CAGE1: variants seen among roughly 807,000 people sequenced by gnomAD.
CAGE1 encodes cancer antigen 1.
A neutral mutation model predicts 94.9 loss-of-function variants in CAGE1; 66 were observed. That is an observed-to-expected ratio of 0.70 (90% confidence interval 0.57 to 0.85). CAGE1 has a LOEUF of 0.85. CAGE1 is among the 40% of genes least tolerant of loss of function. The pLI is 0.00. For synonymous variants in CAGE1, 319 were observed against 321.0 expected, an observed-to-expected ratio of 0.99 and a Z score of 0.07; for missense variants, 865 against 950.4, an observed-to-expected ratio of 0.91 and a Z score of 1.18.
rs779045042 is a variant in CAGE1 at position 7,345,189 on chromosome 6, G to A, written c.2369+9852C>T. Among the ~76,000 whole-genome samples, 13 of 120,448 alleles carry A rather than the reference G, an allele frequency of 1.1e-4. No homozygotes were observed. In the South Asian group the frequency reaches 1.9e-3, roughly 18 times the overall value. 79.0% of individuals were successfully genotyped at this position (120,448 alleles called of 152,430 possible). ...AGGAGCTATGACACTCCTTGTGAAG[G>A]TTTGTAGTTTCACTCTTTGAAGTTA... On this transcript the variant is annotated intron_variant, in intron 11 of 13. Coordinates refer to ENST00000502583, the MANE Select transcript of CAGE1 (RefSeq NM_001170692.2).
At chr6:7,338,006 G>A (rs1040500858) in intron 11 of CAGE1, among the ~76,000 whole-genome samples, 6 of 152,066 alleles carry the variant, frequency 3.9e-5, no homozygotes, top group Non-Finnish European at 7.4e-5. Flanking sequence ...ATGATGTTTT[G>A]TAATTTTTAG....
chr6:7,381,072 T>C (rs1760915957), intron 3 of CAGE1, among the ~76,000 whole-genome samples: 1 of 152,232 alleles, frequency 6.6e-6, no homozygotes, highest in Non-Finnish European at 1.5e-5. Flanking sequence ...TATTTAATGG[T>C]CTTACAGGTT....
In CAGE1 at chr6:7,373,968, C is replaced by T. The variant is rs1044562665; in HGVS notation, c.851G>A (p.Cys284Tyr). 6.2e-7 allele frequency: 1 copy of T among 1,613,930 alleles called. No individual in the cohort carries two copies. The change falls in exon 5 of 14, where the codon TGT becomes TAT. Residue 284 changes from cysteine to tyrosine, a missense_variant. Coordinates refer to ENST00000502583, the MANE Select transcript of CAGE1 (RefSeq NM_001170692.2). ...SWRSEACREN[C>Y]EMPDWEQSAE... is the part of the protein sequence containing the mutation. ...ACTTTGCTCCCAGTCAGGCATCTCA[C>T]AGTTCTCCCGACATGCTTCACTCCT... is the stretch of plus-strand genomic sequence containing the variant.
chr6:7,374,180 G>A (rs766439468), intron 4 of CAGE1, 49 bp from the exon 5 acceptor site: 1 of 1,457,632 alleles, frequency 6.9e-7, no homozygotes. Flanking sequence ...GAAAGATAAT[G>A]AGCTTTCAAG....
In CAGE1 at chr6:7,385,775, A is replaced by T; in HGVS notation, c.283+10T>A. On this transcript the variant is annotated intron_variant, in intron 3 of 13. Transcript: ENST00000502583. ...TCTCTTTTGCATATTGCTAACAAGT[A>T]GATACTTACCATTTAACAAATTGTC... is the stretch of plus-strand genomic sequence containing the variant. The T allele has an allele frequency of 6.7e-7, 1 of 1,495,422 alleles. No individual in the cohort carries two copies. Among genetic ancestry groups the T allele is most frequent in the Non-Finnish European group, 9.0e-7 (1 of 1,110,046 alleles). 92.6% of individuals were successfully genotyped at this position (1,495,422 alleles called of 1,614,324 possible).
chr6:7,333,198 G>A (rs1054481796), intron 12 of CAGE1, among the ~76,000 whole-genome samples: 8 of 152,036 alleles, frequency 5.3e-5, no homozygotes, highest in Non-Finnish European at 8.8e-5. Flanking sequence ...TGATTCACCC[G>A]CCTCAGTCTC....
At chr6:7,337,159 A>G (rs1367806829) in intron 11 of CAGE1, among the ~76,000 whole-genome samples, 1 of 151,952 alleles carries the variant, frequency 6.6e-6, no homozygotes, top group Non-Finnish European at 1.5e-5. Flanking sequence ...CGTCTCTACT[A>G]AAAATACAAC....
chr6:7,347,504 G>C lies in CAGE1; in HGVS notation c.2369+7537C>G, dbSNP rs1289356106. The C allele has an allele frequency of 7.5e-4, 32 of 42,920 alleles. No individual in the cohort carries two copies. The African/African-American group carries it at 7.9e-3, about 11-fold the overall frequency. The allele number at this position is 42,920 out of a possible 1,614,324, so 2.7% of individuals were successfully genotyped here. On this transcript the variant is annotated intron_variant, in intron 11 of 13. Transcript: ENST00000502583. ...CCCCACAGGGATCCAAAGCGAGGGT[G>C]GGGGGGGGGGTTGGGGGGGGCGGTG...
chr6:7,329,046 C>T (rs558700801), intron 13 of CAGE1: 1 of 228,618 alleles, frequency 4.4e-6, no homozygotes, highest in Non-Finnish European at 8.4e-6. Flanking sequence ...ATTCTCCTGC[C>T]TCAGCTGCCC....
chr6:7,365,545 T>G lies in CAGE1; in HGVS notation c.2116A>C (p.Ser706Arg). The G allele has an allele frequency of 1.2e-6, 2 of 1,611,558 alleles. No individual in the cohort carries two copies. Among genetic ancestry groups the G allele is most frequent in the Non-Finnish European group, 1.7e-6 (2 of 1,178,004 alleles). ...AGAAGGGTAGGTACATCTCTGATAC[T>G]CTTGGCTTCATCTGAATCACAGTCT... Reference protein sequence around the residue: ...VIDCDSDEAKSIRDVPTLLGA... With the variant: ...VIDCDSDEAKRIRDVPTLLGA... The change falls in exon 9 of 14, where the codon AGT (serine) becomes CGT (arginine). Residue 706 changes from serine to arginine, a missense_variant. Ser to Arg is a moderately radical substitution (Grantham distance 110). Transcript: ENST00000502583.
intron 11 of CAGE1, among the ~76,000 whole-genome samples, chr6:7,340,321 T>C (rs948497064): frequency 9.9e-5 from 15 of 152,230 alleles, no homozygotes; most frequent in Admixed American, 2.0e-4. Context: ...TATTAGCCCT[T>C]TGTCAGATGT....
chr6:7,389,712 G>A lies in CAGE1; in HGVS notation c.-534C>T, dbSNP rs2296357. The A allele has an allele frequency of 1.5e-5, 8 of 536,968 alleles. No homozygotes were observed. Among genetic ancestry groups the A allele is most frequent in the Admixed American group, 9.6e-5 (3 of 31,244 alleles). 33.3% of individuals were successfully genotyped at this position (536,968 alleles called of 1,614,324 possible). ...TTCCTGAGAGCACAGAACATCCACA[G>A]CCCTATACAGCGCGCCATCCAGAGA... On this transcript the variant is annotated 5_prime_UTR_variant, in exon 1 of 14. Transcript: ENST00000502583.
rs200322379 is a variant in CAGE1, at chr6:7,365,477, A to T, written c.2184T>A (p.Leu728=). The part of the protein sequence containing the change: ...LDKYHSLNEE[L]DFLITKLGHL... ...AAAAGGTCTTTCTTACCAAGAAATC[A>T]AGCTCCTCATTTAGACTGTGGTACT... The change falls in exon 9 of 14, where the codon CTT becomes CTA. Residue 728 remains leucine (L), a synonymous_variant. Coordinates refer to ENST00000502583, the MANE Select transcript of CAGE1 (RefSeq NM_001170692.2). 4 of 1,612,592 alleles carry T rather than the reference A, an allele frequency of 2.5e-6. No individual in the cohort carries two copies. Among genetic ancestry groups the T allele is most frequent in the Admixed American group, 1.7e-5 (1 of 59,792 alleles).
intron 3 of CAGE1, among the ~76,000 whole-genome samples, chr6:7,383,683 C>A (rs930053351): frequency 1.4e-4 from 22 of 152,064 alleles, no homozygotes; most frequent in African/African-American, 5.1e-4. Context: ...AACTTTTTCA[C>A]TTCTGAATGG....
chr6:7,370,535 A>T (rs1457625759), intron 5 of CAGE1, among the ~76,000 whole-genome samples: 1 of 152,102 alleles, frequency 6.6e-6, no homozygotes, highest in Admixed American at 6.6e-5. Context: ...GGGCTCAAGC[A>T]ATGTTCTTGC....
At chr6:7,329,943 G>A in intron 12 of CAGE1, 55 bp from the exon 13 acceptor site, 2 of 727,408 alleles carry the variant, frequency 2.7e-6, no homozygotes, top group Non-Finnish European at 4.8e-6. Context: ...GACTGAAATA[G>A]TGAACATGGT....
chr6:7,366,064 G>T (rs1760320968), intron 7 of CAGE1, among the ~76,000 whole-genome samples, 180 bp from the exon 8 acceptor site: 1 of 152,064 alleles, frequency 6.6e-6, no homozygotes, highest in East Asian at 1.9e-4. Context: ...TGATTAATAT[G>T]GTGAAACCCT....
intron 11 of CAGE1, among the ~76,000 whole-genome samples, chr6:7,337,421 G>A (rs148593219): frequency 7.3e-4 from 110 of 151,354 alleles, no homozygotes; most frequent in Non-Finnish European, 1.3e-3. Context: ...TTAGTGACAT[G>A]TCTAAGAAAT....
rs1464210960 is a variant in CAGE1, at chr6:7,362,359, T to C, written c.2193+3109A>G. Among the ~76,000 whole-genome samples, 1 of 152,200 alleles carries C rather than the reference T, an allele frequency of 6.6e-6. No individual in the cohort carries two copies. ...TATGAGCCTCTTTGAACTCTGAACA[T>C]CAGTACCATTAAGTGGACTTTTGCC... On this transcript the variant is annotated intron_variant, in intron 9 of 13. Coordinates refer to ENST00000502583, the MANE Select transcript of CAGE1 (RefSeq NM_001170692.2). This position sits in a 1 kb window ranked among gnomAD's most constrained non-coding sequence, Gnocchi z 4.1.
Sources: gnomAD v4.1 joint callset for allele counts (sites outside exome capture counted in the v4.1 genomes callset) on GRCh38, gnomAD v4.1.1 for gene constraint, Gnocchi (gnomAD v3.1) non-coding constraint, MANE v1.5 for transcripts, NCBI Gene and HGNC (gene_info 2026-07-23, HGNC 2026-07-21) for gene names.